FSCN1: variants seen among roughly 807,000 people sequenced by gnomAD.
The protein encoded by FSCN1 is fascin.
In FSCN1, 10 loss-of-function variants were observed where a neutral mutation model predicts 39.7. The ratio of observed to expected loss-of-function variants is 0.25; its 90% CI spans 0.16 to 0.43. FSCN1 has a LOEUF of 0.43. FSCN1 is among the 20% of genes least tolerant of loss of function. The pLI, the probability that FSCN1 is intolerant of heterozygous loss-of-function variation, is 1.00. For missense variants in FSCN1, 525 were observed against 723.8 expected (o/e 0.73, Z 3.15); for synonymous variants, 322 against 320.0 (o/e 1.01, Z -0.07).
chr7:5,601,417 G>A (rs1785829826), intron 1 of FSCN1, among the ~76,000 whole-genome samples: 2 of 151,294 alleles, frequency 1.3e-5, no homozygotes, highest in African/African-American at 4.9e-5. Flanking sequence ...TGGCAAGGCT[G>A]GTCTTGAACT....
At position 5,603,686 on chromosome 7, in the gene FSCN1, C is replaced by T; in HGVS notation, c.1111+69C>T. On this transcript the variant is annotated intron_variant, in intron 3 of 4. Transcript: ENST00000382361. This position sits in a 1 kb window ranked among gnomAD's most constrained non-coding sequence, Gnocchi z 8.5. ...GGAGGGTCTGGCCATGCCGTGGTCA[C>T]TTGGTAGCCCCAGCCAAGGCCTGCT... is the stretch of plus-strand genomic sequence containing the variant. 6.2e-7 allele frequency: 1 copy of T among 1,601,512 alleles called. No individual in the cohort carries two copies. Among genetic ancestry groups the T allele is most frequent in the Non-Finnish European group, 8.5e-7 (1 of 1,171,080 alleles).
At position 5,603,555 on chromosome 7, in the gene FSCN1, C is replaced by A. The variant is rs755513349; in HGVS notation, c.1049C>A (p.Ser350Tyr). ...WRDRRITLRA[S>Y]NGKFVTSKKN... ...GACCGGCGCATCACACTGAGGGCGTCCAATGGCAAGTTTGTGACCTCCAAG... is the reference window on the plus strand; with the variant it reads ...GACCGGCGCATCACACTGAGGGCGTACAATGGCAAGTTTGTGACCTCCAAG... The change falls in exon 3 of 5, where the codon TCC becomes TAC. Residue 350 changes from serine to tyrosine, a missense_variant. Physicochemically the swap from Ser to Tyr is moderately radical, Grantham distance 144. This residue lies in a region of FSCN1 where 275 missense variants were observed against 351.9 expected (regional missense o/e 0.78). Coordinates refer to ENST00000382361, the MANE Select transcript of FSCN1 (RefSeq NM_003088.4). This position sits in a 1 kb window ranked among gnomAD's most constrained non-coding sequence, Gnocchi z 8.5. 1 of 1,614,164 alleles carries A rather than the reference C, an allele frequency of 6.2e-7. No homozygotes were observed. Among genetic ancestry groups the A allele is most frequent in the South Asian group, 1.1e-5 (1 of 91,086 alleles).
chr7:5,601,489 C>T (rs753015864), intron 1 of FSCN1, among the ~76,000 whole-genome samples: 22 of 151,978 alleles, frequency 1.4e-4, no homozygotes, highest in African/African-American at 3.9e-4. Flanking sequence ...AGGCGTGAGC[C>T]GCCGTGGCAA....
At position 5,605,301 on chromosome 7, in the gene FSCN1, A is replaced by T; in HGVS notation, c.1309A>T (p.Ser437Cys). The part of the protein sequence containing the change: ...DSTGKYWTVG[S>C]DSAVTSSGDT... ...CACAGGCAAATACTGGACGGTGGGC[A>T]GTGACTCCGCGGTCACCAGCAGCGG... The change falls in exon 5 of 5, where the codon AGT (serine) becomes TGT (cysteine). Residue 437 changes from serine (S) to cysteine (C), a missense_variant. Around this residue, in one of 3 missense-constraint regions of FSCN1, gnomAD observed 275 missense variants for 351.9 expected, o/e 0.78. Coordinates refer to ENST00000382361, the MANE Select transcript of FSCN1 (RefSeq NM_003088.4). The surrounding 1 kb of genome is among the most constrained non-coding windows in gnomAD (Gnocchi z 6.9). 1 of 1,613,684 alleles carries T rather than the reference A, an allele frequency of 6.2e-7. No homozygotes were observed. Among genetic ancestry groups the T allele is most frequent in the South Asian group, 1.1e-5 (1 of 91,080 alleles).
intron 1 of FSCN1, among the ~76,000 whole-genome samples, chr7:5,597,123 A>G (rs919672519): frequency 7.1e-6 from 1 of 141,480 alleles, no homozygotes; most frequent in Non-Finnish European, 1.6e-5. Flanking sequence ...AGGAGGGAAG[A>G]TGGCTTCGGC....
At position 5,603,960 on chromosome 7, in the gene FSCN1, C is replaced by G; in HGVS notation, c.1209C>G (p.Thr403=). 1 of 1,614,044 alleles carries G rather than the reference C, an allele frequency of 6.2e-7. No homozygotes were observed. The highest frequency in any genetic ancestry group is 1.1e-5 in the South Asian group (1 of 91,082). The part of the protein sequence containing the change: ...GFIGCRKVTG[T]LDANRSSYDV... ...TCGGCTGCCGCAAGGTCACGGGCACCCTGGACGCCAACCGCTCCAGCTATG... is the reference window on the plus strand; with the variant it reads ...TCGGCTGCCGCAAGGTCACGGGCACGCTGGACGCCAACCGCTCCAGCTATG... The change falls in exon 4 of 5, where the codon ACC becomes ACG. Residue 403 remains threonine (T), a synonymous_variant. Coordinates refer to ENST00000382361, the MANE Select transcript of FSCN1 (RefSeq NM_003088.4). This position sits in a 1 kb window ranked among gnomAD's most constrained non-coding sequence, Gnocchi z 8.5.
intron 1 of FSCN1, among the ~76,000 whole-genome samples, chr7:5,597,113 A>G (rs1289387993): frequency 7.1e-6 from 1 of 141,472 alleles, no homozygotes; most frequent in Admixed American, 6.9e-5. Context: ...TGGGAGGCCA[A>G]GGAGGGAAGA....
intron 1 of FSCN1, chr7:5,594,106 C>A: frequency 3.2e-6 from 1 of 309,328 alleles, no homozygotes. Flanking sequence ...ATCAGCTGTC[C>A]CAGCTCTTGC....
chr7:5,598,288 T>G (rs573137510), intron 1 of FSCN1, among the ~76,000 whole-genome samples: 2 of 152,348 alleles, frequency 1.3e-5, no homozygotes, highest in African/African-American at 4.8e-5. Context: ...GTTCCAGGAT[T>G]GAACGCAACA....
chr7:5,593,310 C>T lies in FSCN1; in HGVS notation c.374C>T (p.Thr125Met), dbSNP rs1252841483. The part of the protein sequence containing the change: ...TEDRLSCFAQ[T>M]VSPAEKWSVH... Reference sequence around the variant, plus strand: ...GACCGCCTGTCCTGCTTCGCGCAGACGGTGTCCCCCGCCGAGAAGTGGAGC... The same window carrying T: ...GACCGCCTGTCCTGCTTCGCGCAGATGGTGTCCCCCGCCGAGAAGTGGAGC... Residue 125 changes from threonine (T) to methionine (M), a missense_variant, in exon 1 of 5, where the codon ACG becomes ATG. Thr to Met is a moderately conservative substitution (Grantham distance 81). Transcript: ENST00000382361. 3.1e-6 allele frequency: 5 copies of T among 1,610,996 alleles called. No individual in the cohort carries two copies. The highest frequency in any genetic ancestry group is 1.1e-5 in the South Asian group (1 of 90,960).
At chr7:5,600,700 C>T (rs1030213729) in intron 1 of FSCN1, among the ~76,000 whole-genome samples, 3 of 150,318 alleles carry the variant, frequency 2.0e-5, no homozygotes, top group African/African-American at 7.4e-5. Context: ...GTCGCCCAGG[C>T]TGGAGTGCAG....
chr7:5,597,979 A>T (rs1256014308), intron 1 of FSCN1, among the ~76,000 whole-genome samples: 1 of 146,972 alleles, frequency 6.8e-6, no homozygotes, highest in African/African-American at 2.4e-5. Flanking sequence ...CTGTTCCCAT[A>T]GTAACACAGC....
At chr7:5,602,136 C>A (rs1233329788) in intron 1 of FSCN1, among the ~76,000 whole-genome samples, 1 of 151,636 alleles carries the variant, frequency 6.6e-6, no homozygotes, top group Non-Finnish European at 1.5e-5. Context: ...AAACTCCCGA[C>A]CTCGGGTGAT....
At chr7:5,598,815 G>C (rs1237971477) in intron 1 of FSCN1, among the ~76,000 whole-genome samples, 1 of 152,218 alleles carries the variant, frequency 6.6e-6, no homozygotes, top group African/African-American at 2.4e-5. Flanking sequence ...CCTCCGATCA[G>C]CGGGGCTTCA....
rs1021131950 is a variant in FSCN1 at position 5,592,845 on chromosome 7, C to G, written c.-92C>G. The G allele has an allele frequency of 4.1e-6, 3 of 729,822 alleles. No homozygotes were observed. The highest frequency in any genetic ancestry group is 6.6e-6 in the Non-Finnish European group (3 of 457,704). The allele number at this position is 729,822 out of a possible 1,614,324, so 45.2% of individuals were successfully genotyped here. On this transcript the variant is annotated 5_prime_UTR_variant, in exon 1 of 5. Transcript: ENST00000382361. This position sits in a 1 kb window ranked among gnomAD's most constrained non-coding sequence, Gnocchi z 5.3. ...AGCGCTGCGGAGGGTGCGTGCGGGC[C>G]GCGGCAGCCGAACAAAGGAGCAGGG...
rs2128550419 is a variant in FSCN1 at position 5,605,154 on chromosome 7, G to A, written c.1280-118G>A. On this transcript the variant is annotated intron_variant, in intron 4 of 4. Transcript: ENST00000382361. This position sits in a 1 kb window ranked among gnomAD's most constrained non-coding sequence, Gnocchi z 6.9. The stretch of plus-strand genomic sequence containing the variant: ...GCCATAGGGACCCTGGCTCATTCCG[G>A]AGCCGGGACTGGAGGGTGGGGCGTC... The A allele has an allele frequency of 1.4e-6, 1 of 718,796 alleles. No homozygotes were observed. Among genetic ancestry groups the A allele is most frequent in the East Asian group, 2.6e-5 (1 of 38,452 alleles). The allele number at this position is 718,796 out of a possible 1,614,324, so 44.5% of individuals were successfully genotyped here.
chr7:5,598,278 G>C (rs906451615), intron 1 of FSCN1, among the ~76,000 whole-genome samples: 2 of 152,240 alleles, frequency 1.3e-5, no homozygotes, highest in African/African-American at 2.4e-5. Context: ...CATCAAACCA[G>C]TTCCAGGATT....
At position 5,593,726 on chromosome 7, in the gene FSCN1, G is replaced by T. The variant is rs1388097652; in HGVS notation, c.790G>T (p.Val264Leu). The change falls in exon 1 of 5, where the codon GTG becomes TTG. Residue 264 changes from valine (V) to leucine (L), a missense_variant. This residue lies in a region of FSCN1 where 275 missense variants were observed against 351.9 expected (regional missense o/e 0.78). Transcript: ENST00000382361. ...FALEQSCAQV[V>L]LQAANERNVS... Reference sequence around the variant, plus strand: ...TCTGGAGCAGAGCTGCGCCCAGGTCGTGCTGCAGGCGGCCAACGAGAGGAA... The same window carrying T: ...TCTGGAGCAGAGCTGCGCCCAGGTCTTGCTGCAGGCGGCCAACGAGAGGAA... The T allele has an allele frequency of 6.9e-6, 11 of 1,592,220 alleles. No homozygotes were observed. The Admixed American group carries it at 1.0e-4, about 15-fold the overall frequency.
At position 5,605,408 on chromosome 7, in the gene FSCN1, C is replaced by A. The variant is rs201678383; in HGVS notation, c.1416C>A (p.Gly472=). 5.0e-6 allele frequency: 8 copies of A among 1,612,708 alleles called. No homozygotes were observed. In the East Asian group the frequency reaches 1.8e-4, roughly 36 times the overall value. The change falls in exon 5 of 5, where the codon GGC becomes GGA. Residue 472 remains glycine (G), a synonymous_variant. Coordinates refer to ENST00000382361, the MANE Select transcript of FSCN1 (RefSeq NM_003088.4). The surrounding 1 kb of genome is among the most constrained non-coding windows in gnomAD (Gnocchi z 6.9). ...AGGTGGGCGGGCGCTACCTGAAGGG[C>A]GACCACGCAGGCGTCCTGAAGGCCT... ...AIKVGGRYLK[G]DHAGVLKASA...
Sources: gnomAD v4.1 joint callset for allele counts (sites outside exome capture counted in the v4.1 genomes callset) on GRCh38, gnomAD v4.1.1 for gene constraint, gnomAD v4.1.1 regional missense constraint, Gnocchi (gnomAD v3.1) non-coding constraint, MANE v1.5 for transcripts, NCBI Gene and HGNC (gene_info 2026-07-23, HGNC 2026-07-21) for gene names.